CNTNAP5: variants seen among roughly 807,000 people sequenced by gnomAD.
CNTNAP5 encodes contactin-associated protein-like 5.
A neutral mutation model predicts 150.2 loss-of-function variants in CNTNAP5; 72 were observed. The observed-to-expected ratio is 0.48, with a 90% confidence interval of 0.40 to 0.58. The LOEUF (loss-of-function observed/expected upper bound fraction) is 0.58, where lower values mean the gene tolerates loss of function less well. Among genes scored for constraint, CNTNAP5 ranks in the 20% least tolerant of loss-of-function variants. The pLI is 0.00. For missense variants in CNTNAP5, 1,636 were observed against 1,626.2 expected, an observed-to-expected ratio of 1.01 and a Z score of -0.10; for synonymous variants, 672 against 619.8, an observed-to-expected ratio of 1.08 and a Z score of -1.25.
At chr2:124,711,096 C>T (rs1163721802) in intron 13 of CNTNAP5, among the ~76,000 whole-genome samples, 1 of 151,882 alleles carries the variant, frequency 6.6e-6, no homozygotes, top group Non-Finnish European at 1.5e-5. Flanking sequence ...CATGGTGAAA[C>T]CCCATCTCTA....
At chr2:124,773,863 G>T (rs1681258810) in intron 17 of CNTNAP5, among the ~76,000 whole-genome samples, 1 of 148,974 alleles carries the variant, frequency 6.7e-6, no homozygotes, top group Non-Finnish European at 1.5e-5. Context: ...TTGGCATTTT[G>T]TTTCCCTTGA....
At chr2:124,761,280 A>C (rs996256730) in intron 14 of CNTNAP5, among the ~76,000 whole-genome samples, 1 of 152,084 alleles carries the variant, frequency 6.6e-6, no homozygotes, top group African/African-American at 2.4e-5. Context: ...GTCACTCACA[A>C]ATTTAATTAA....
At chr2:124,072,182 T>C (rs1197835913) in intron 1 of CNTNAP5, among the ~76,000 whole-genome samples, 1 of 151,912 alleles carries the variant, frequency 6.6e-6, no homozygotes, top group Non-Finnish European at 1.5e-5. Context: ...CACTGATTCA[T>C]GATAAAATTC....
chr2:124,772,293 G>A (rs1175084674), intron 16 of CNTNAP5, among the ~76,000 whole-genome samples: 2 of 152,210 alleles, frequency 1.3e-5, no homozygotes, highest in African/African-American at 4.8e-5. Flanking sequence ...ACCGCCACCT[G>A]CAGCAGTGTC....
intron 6 of CNTNAP5, among the ~76,000 whole-genome samples, chr2:124,454,551 A>T (rs560421738): frequency 3.3e-5 from 5 of 152,272 alleles, no homozygotes; most frequent in African/African-American, 1.2e-4. Flanking sequence ...AATGAACTTA[A>T]CAGATATTTA....
chr2:124,408,542 C>G (rs994473153), intron 3 of CNTNAP5, among the ~76,000 whole-genome samples: 6 of 151,492 alleles, frequency 4.0e-5, no homozygotes, highest in African/African-American at 1.2e-4. Flanking sequence ...GATCTGAGAA[C>G]GGGCAGACTG....
chr2:124,885,257 C>A (rs1326939459), intron 21 of CNTNAP5, among the ~76,000 whole-genome samples: 2 of 151,916 alleles, frequency 1.3e-5, no homozygotes, highest in Non-Finnish European at 2.9e-5. Flanking sequence ...ATGAGACCCA[C>A]ACAGATTATC....
At chr2:124,190,762 A>T (rs1685440189) in intron 1 of CNTNAP5, among the ~76,000 whole-genome samples, 1 of 152,246 alleles carries the variant, frequency 6.6e-6, no homozygotes, top group Admixed American at 6.5e-5. Context: ...ATTAAAAACA[A>T]TATACAAGTA....
intron 21 of CNTNAP5, among the ~76,000 whole-genome samples, chr2:124,877,953 A>G (rs1677893162): frequency 6.6e-6 from 1 of 152,024 alleles, no homozygotes; most frequent in Non-Finnish European, 1.5e-5. Context: ...GATAAGTACC[A>G]TTCTTATTTC....
chr2:124,074,914 A>C (rs530547777), intron 1 of CNTNAP5, among the ~76,000 whole-genome samples: 8 of 152,132 alleles, frequency 5.3e-5, no homozygotes. Context: ...GCATGGTGCT[A>C]TTCCATTTTA....
At chr2:124,737,497 G>T (rs977649876) in intron 13 of CNTNAP5, among the ~76,000 whole-genome samples, 2 of 152,104 alleles carry the variant, frequency 1.3e-5, no homozygotes, top group African/African-American at 4.8e-5. Flanking sequence ...CAGCTGGAGG[G>T]CAGGGCACAG....
At chr2:124,721,640 G>A (rs1336842637) in intron 13 of CNTNAP5, among the ~76,000 whole-genome samples, 3 of 151,912 alleles carry the variant, frequency 2.0e-5, no homozygotes, top group Non-Finnish European at 4.4e-5. Context: ...ACCAGCAAAT[G>A]TATTACCCTA....
intron 13 of CNTNAP5, among the ~76,000 whole-genome samples, chr2:124,656,400 G>A (rs574747588): frequency 2.8e-4 from 43 of 152,206 alleles, no homozygotes; most frequent in African/African-American, 8.9e-4. Context: ...GTTTTTAAGC[G>A]TTTGCCACAG....
At chr2:124,327,147 A>AT (rs369780033) in intron 3 of CNTNAP5, among the ~76,000 whole-genome samples, 6,936 of 151,478 alleles carry the variant, frequency 0.046, 298 homozygotes, top group South Asian at 0.12. Flanking sequence ...CACCTGGCTA[A>AT]TTTTTTGTAT....
chr2:124,726,715 T>C (rs1395061663), intron 13 of CNTNAP5, among the ~76,000 whole-genome samples: 2 of 152,050 alleles, frequency 1.3e-5, no homozygotes, highest in African/African-American at 4.8e-5. Context: ...CAGTTTCTTA[T>C]GGATTTTGAT....
intron 17 of CNTNAP5, among the ~76,000 whole-genome samples, chr2:124,773,943 T>A (rs141433981): frequency 8.7e-4 from 101 of 116,654 alleles, no homozygotes; most frequent in East Asian, 1.8e-3. Flanking sequence ...TGTGTGTGTG[T>A]GTGTGAGAGA....
At chr2:124,768,984 A>G (rs2123856) in intron 16 of CNTNAP5, among the ~76,000 whole-genome samples, 147,129 of 152,214 alleles carry the variant, frequency 0.97, 71,302 homozygotes, top group East Asian at 1. Context: ...ATGGACACGT[A>G]GAAGGCCAGA....
At chr2:124,461,860 C>CAAAAAAAAAAAA (rs59177385) in intron 6 of CNTNAP5, among the ~76,000 whole-genome samples, 1 of 87,122 alleles carries the variant, frequency 1.1e-5, no homozygotes, top group Non-Finnish European at 2.2e-5. Context: ...GATTCCACCT[C>CAAAAAAAAAAAA]AAAAAAAAAA....
intron 4 of CNTNAP5, among the ~76,000 whole-genome samples, chr2:124,431,532 ATTTCTTTATATAAATATTATATAT>A (rs1692381710): frequency 3.5e-5 from 5 of 141,556 alleles, no homozygotes; most frequent in South Asian, 2.2e-4. Context: ...TATATATAAA[ATTTCTTTATATAAATATTATATAT>A]AATTTCTTTA....
Sources: gnomAD v4.1 joint callset for allele counts (sites outside exome capture counted in the v4.1 genomes callset) on GRCh38, gnomAD v4.1.1 for gene constraint, MANE v1.5 for transcripts, NCBI Gene and HGNC (gene_info 2026-07-23, HGNC 2026-07-21) for gene names.